Variants in TNS3 observed in about 807,000 individuals in gnomAD.
TNS3 encodes tensin 3.
TNS3 carries 45 observed loss-of-function variants against 140.9 expected under a neutral mutation model. The ratio of observed to expected loss-of-function variants is 0.32; its 90% confidence interval spans 0.25 to 0.41. The LOEUF is 0.41. Among genes scored for constraint, TNS3 ranks in the 10% least tolerant of loss-of-function variants. TNS3 has a pLI of 1.00. For missense variants in TNS3, 1,716 were observed against 1,906.7 expected (o/e 0.90, Z 1.86); for synonymous variants, 815 against 788.4 (o/e 1.03, Z -0.56).
chr7:47,285,653 G>C (rs1291516975), intron 27 of TNS3, among the ~76,000 whole-genome samples: 2 of 152,164 alleles, frequency 1.3e-5, no homozygotes, highest in African/African-American at 4.8e-5. Flanking sequence ...TAGTATACTT[G>C]GCGATATTTA....
intron 3 of TNS3, chr7:47,481,344 T>C (rs1797410991): frequency 1.1e-5 from 4 of 365,166 alleles, no homozygotes; most frequent in Non-Finnish European, 2.0e-5. Flanking sequence ...CTGTCATTTT[T>C]GCTAATGTCA....
chr7:47,327,496 C>T (rs1445664631), intron 20 of TNS3, among the ~76,000 whole-genome samples: 1 of 152,170 alleles, frequency 6.6e-6, no homozygotes, highest in Non-Finnish European at 1.5e-5. Context: ...GGCCCTGGAA[C>T]TGGGGTGGGG....
chr7:47,436,847 G>A (rs1401257291), intron 7 of TNS3, among the ~76,000 whole-genome samples: 1 of 152,132 alleles, frequency 6.6e-6, no homozygotes, highest in Non-Finnish European at 1.5e-5. Flanking sequence ...GAGGCGGGAG[G>A]AGGAAGCATC....
At position 47,297,150 on chromosome 7, in the gene TNS3, C is replaced by T. The variant is rs763538498; in HGVS notation, c.3608G>A (p.Arg1203Gln). ...SFIVRDSHSF[R>Q]GAYGLAMKVA... ...CTTCATGGCCAGGCCATAGGCCCCT[C>T]GGAAGGAATGGCTGTCTCGAACAAT... is the stretch of plus-strand genomic sequence containing the variant. The change falls in exon 24 of 31, where the codon CGA (arginine) becomes CAA (glutamine). Residue 1203 changes from arginine (R) to glutamine (Q), a missense_variant. Arg to Gln is a conservative substitution (Grantham distance 43, BLOSUM62 1). This residue lies in a region of TNS3 where 1,163 missense variants were observed against 1,182.1 expected (regional missense o/e 0.98). Transcript: ENST00000311160. 4.5e-5 allele frequency: 73 copies of T among 1,613,778 alleles called. No individual in the cohort carries two copies. Among genetic ancestry groups the T allele is most frequent in the Non-Finnish European group, 5.7e-5 (67 of 1,179,988 alleles).
chr7:47,538,933 T>G (rs766198893), intron 1 of TNS3: 19 of 435,002 alleles, frequency 4.4e-5, no homozygotes, highest in African/African-American at 1.2e-4. Flanking sequence ...CTGTATCGTA[T>G]TCATTCCAGA....
Position 47,370,812 on chromosome 7 carries a change from A to G in TNS3, c.1025-1191T>C, listed in dbSNP as rs191809085. ...TGGAATTTGAGAGACGTGAGCCACT[A>G]CCTAACAGCAGTCACTGAGCCTGGC... On this transcript the variant is annotated intron_variant, in intron 16 of 30. Coordinates refer to ENST00000311160, the MANE Select transcript of TNS3 (RefSeq NM_022748.12). Among the ~76,000 whole-genome samples, 13 of 152,222 alleles carry G rather than the reference A, an allele frequency of 8.5e-5. No homozygotes were observed. The East Asian group carries it at 1.2e-3, about 14-fold the overall frequency.
intron 4 of TNS3, among the ~76,000 whole-genome samples, chr7:47,464,816 A>G (rs992685544): frequency 1.3e-5 from 2 of 152,132 alleles, no homozygotes; most frequent in Non-Finnish European, 2.9e-5. Context: ...CAGTCTCCCA[A>G]TCACCCTAAG....
chr7:47,526,449 C>T (rs1028338578), intron 2 of TNS3, among the ~76,000 whole-genome samples: 1 of 152,224 alleles, frequency 6.6e-6, no homozygotes, highest in East Asian at 1.9e-4. Context: ...AGCAACAAAC[C>T]TAAGTACCAC....
At chr7:47,481,609 T>C (rs772453713) in intron 3 of TNS3, 10 of 958,876 alleles carry the variant, frequency 1.0e-5, no homozygotes, top group Non-Finnish European at 1.2e-5. Flanking sequence ...TCTAGAACTA[T>C]TTCTACAAGT....
chr7:47,430,480 C>A (rs1322882281), intron 8 of TNS3, among the ~76,000 whole-genome samples: 1 of 152,042 alleles, frequency 6.6e-6, no homozygotes, highest in Non-Finnish European at 1.5e-5. Context: ...ATACCACAAC[C>A]GTACGGGACT....
chr7:47,434,209 T>A (rs1465341475), intron 8 of TNS3, among the ~76,000 whole-genome samples: 1 of 151,578 alleles, frequency 6.6e-6, no homozygotes, highest in African/African-American at 2.4e-5. Context: ...AGGAAAGATA[T>A]ACTGAGAGTC....
chr7:47,338,809 G>A (rs559043983), intron 20 of TNS3, among the ~76,000 whole-genome samples: 3 of 152,136 alleles, frequency 2.0e-5, no homozygotes, highest in Non-Finnish European at 2.9e-5. Context: ...ACATACAAGT[G>A]CATGCGTCTT....
At chr7:47,410,510 G>C (rs1793706806) in intron 13 of TNS3, among the ~76,000 whole-genome samples, 1 of 152,200 alleles carries the variant, frequency 6.6e-6, no homozygotes, top group Non-Finnish European at 1.5e-5. Flanking sequence ...GGAGGCCCCA[G>C]AGGGACCCCG....
chr7:47,522,884 C>T (rs551496680), intron 2 of TNS3, among the ~76,000 whole-genome samples: 98 of 145,894 alleles, frequency 6.7e-4, no homozygotes, highest in African/African-American at 2.3e-3. Context: ...GCTGAGATCG[C>T]GCCAATGCAC....
At chr7:47,445,881 G>A (rs1028077790) in intron 4 of TNS3, among the ~76,000 whole-genome samples, 2 of 152,188 alleles carry the variant, frequency 1.3e-5, no homozygotes, top group Non-Finnish European at 2.9e-5. Flanking sequence ...TTATTTGAAA[G>A]TAAACAATAC....
At chr7:47,402,922 G>C (rs191560443) in intron 13 of TNS3, among the ~76,000 whole-genome samples, 1 of 152,338 alleles carries the variant, frequency 6.6e-6, no homozygotes, top group East Asian at 1.9e-4. Context: ...CACGCAGCCT[G>C]TGCTGCCATG....
At chr7:47,508,152 G>T (rs904240955) in intron 2 of TNS3, among the ~76,000 whole-genome samples, 2 of 152,166 alleles carry the variant, frequency 1.3e-5, no homozygotes, top group African/African-American at 4.8e-5. Flanking sequence ...TGTTTTCTAT[G>T]ATGTGTCAAA....
intron 2 of TNS3, among the ~76,000 whole-genome samples, chr7:47,517,659 C>A (rs950010543): frequency 6.6e-6 from 1 of 152,142 alleles, no homozygotes; most frequent in Non-Finnish European, 1.5e-5. Flanking sequence ...GACCTGGATA[C>A]TATTGGGAAC....
intron 20 of TNS3, among the ~76,000 whole-genome samples, chr7:47,335,775 T>C (rs1336753236): frequency 2.0e-5 from 3 of 152,310 alleles, no homozygotes; most frequent in South Asian, 2.1e-4. Flanking sequence ...TGGTCCAATC[T>C]TCTCAAGAAC....
Sources: allele counts gnomAD v4.1 joint callset (sites outside exome capture counted in the v4.1 genomes callset), GRCh38; gene constraint gnomAD v4.1.1; regional missense constraint gnomAD v4.1.1; transcripts MANE v1.5; gene names NCBI Gene and HGNC (gene_info 2026-07-23, HGNC 2026-07-21).